The following PCCA variants were observed in gnomAD, a reference collection of about 807,000 sequenced individuals.
PCCA encodes propionyl-CoA carboxylase alpha chain, mitochondrial.
PCCA carries 74 observed loss-of-function variants against 101.3 expected under a neutral mutation model. That is an observed-to-expected ratio of 0.73 (90% CI 0.61 to 0.89). The LOEUF (loss-of-function observed/expected upper bound fraction) is 0.89. Among genes scored for constraint, PCCA ranks in the 40% least tolerant of loss-of-function variants. The probability of loss-of-function intolerance (pLI) is 0.00; values close to 1 mark genes in which losing one functional copy is unlikely to be tolerated. For synonymous variants in PCCA, 294 were observed against 313.6 expected (o/e 0.94, Z 0.66); for missense variants, 891 against 907.0 (o/e 0.98, Z 0.23).
chr13:100,137,907 C>T (rs2051383507), intron 4 of PCCA, among the ~76,000 whole-genome samples: 1 of 151,710 alleles, frequency 6.6e-6, no homozygotes, highest in South Asian at 2.1e-4. Context: ...CCTCCTGGGC[C>T]CAAGTGATCC....
At chr13:100,337,390 C>G (rs1336986856) in intron 17 of PCCA, among the ~76,000 whole-genome samples, 1 of 152,154 alleles carries the variant, frequency 6.6e-6, no homozygotes, top group African/African-American at 2.4e-5. Flanking sequence ...GGAGACCGTT[C>G]AAAGGGAGCT....
chr13:100,361,524 C>A (rs2074594931), intron 18 of PCCA, among the ~76,000 whole-genome samples: 3 of 150,900 alleles, frequency 2.0e-5, no homozygotes, highest in African/African-American at 7.3e-5. Context: ...AGAATACTTG[C>A]AATACATAAA....
chr13:100,202,148 A>G (rs2058555409), intron 6 of PCCA, among the ~76,000 whole-genome samples: 1 of 145,022 alleles, frequency 6.9e-6, no homozygotes, highest in South Asian at 2.3e-4. Flanking sequence ...TAGGCAACAT[A>G]GCAAGACTCC....
intron 21 of PCCA, 78 bp from the exon 22 acceptor site, chr13:100,515,349 T>C: frequency 2.2e-6 from 3 of 1,334,008 alleles, no homozygotes; most frequent in South Asian, 2.4e-5. Context: ...AAGCTAAAAA[T>C]TGATTTAGAA....
At chr13:100,220,232 C>T (rs979677889) in intron 7 of PCCA, among the ~76,000 whole-genome samples, 4 of 151,886 alleles carry the variant, frequency 2.6e-5, no homozygotes, top group South Asian at 4.2e-4. Flanking sequence ...TTCAAAAGAC[C>T]GTGTCCAATA....
intron 16 of PCCA, among the ~76,000 whole-genome samples, chr13:100,327,208 T>G (rs1156929032): frequency 6.6e-6 from 1 of 152,196 alleles, no homozygotes; most frequent in Non-Finnish European, 1.5e-5. Context: ...TTCCTTATGG[T>G]CTTTGACATT....
At chr13:100,356,679 C>T (rs146994158) in intron 18 of PCCA, among the ~76,000 whole-genome samples, 44 of 152,148 alleles carry the variant, frequency 2.9e-4, no homozygotes, top group African/African-American at 9.2e-4. Flanking sequence ...AAATATTAGA[C>T]GATTACCACA....
chr13:100,456,504 G>A (rs1595979315), intron 21 of PCCA, among the ~76,000 whole-genome samples: 1 of 152,138 alleles, frequency 6.6e-6, no homozygotes, highest in South Asian at 2.1e-4. Flanking sequence ...ATCAAGATGC[G>A]GAGACCGGTA....
chr13:100,128,828 T>A (rs1375472074), intron 4 of PCCA, among the ~76,000 whole-genome samples: 2 of 152,210 alleles, frequency 1.3e-5, no homozygotes, highest in Non-Finnish European at 2.9e-5. Context: ...TCTCTCTACT[T>A]CTGTGGCCCT....
intron 21 of PCCA, among the ~76,000 whole-genome samples, chr13:100,489,417 G>A (rs1596144999): frequency 6.6e-6 from 1 of 152,354 alleles, no homozygotes; most frequent in East Asian, 1.9e-4. Flanking sequence ...TGCAAAACAG[G>A]TAAGAAAAGA....
At chr13:100,453,812 A>G (rs932841148) in intron 21 of PCCA, among the ~76,000 whole-genome samples, 20 of 136,084 alleles carry the variant, frequency 1.5e-4, no homozygotes, top group African/African-American at 5.8e-4. Context: ...TTAAATGGAC[A>G]ACAAAAGTCA....
chr13:100,369,960 T>C (rs778296019), intron 19 of PCCA, among the ~76,000 whole-genome samples: 1 of 152,082 alleles, frequency 6.6e-6, no homozygotes, highest in African/African-American at 2.4e-5. Context: ...CAGTTCTATA[T>C]TGAGTCACCA....
chr13:100,505,696 CT>C (rs2086011863), intron 21 of PCCA, among the ~76,000 whole-genome samples: 1 of 152,190 alleles, frequency 6.6e-6, no homozygotes, highest in South Asian at 2.1e-4. Context: ...AAAACCCCAT[CT>C]CTACAAAACA....
chr13:100,144,159 G>C (rs916460341), intron 4 of PCCA, among the ~76,000 whole-genome samples: 9 of 152,132 alleles, frequency 5.9e-5, no homozygotes, highest in Non-Finnish European at 1.3e-4. Context: ...TGCTTTTCAT[G>C]ATTACCTTCA....
intron 2 of PCCA, among the ~76,000 whole-genome samples, chr13:100,103,739 G>T (rs2047494216): frequency 6.6e-6 from 1 of 151,370 alleles, no homozygotes; most frequent in African/African-American, 2.4e-5. Context: ...GGCTTCAAGA[G>T]ATTCTCCTGT....
chr13:100,338,920 G>C (rs1183769955), intron 17 of PCCA, among the ~76,000 whole-genome samples: 1 of 151,806 alleles, frequency 6.6e-6, no homozygotes, highest in African/African-American at 2.4e-5. Flanking sequence ...TGTATTTTGA[G>C]TGATTTTTTA....
At chr13:100,388,249 G>C (rs1042961290) in intron 19 of PCCA, among the ~76,000 whole-genome samples, 1 of 152,116 alleles carries the variant, frequency 6.6e-6, no homozygotes, top group Non-Finnish European at 1.5e-5. Context: ...CAGGAGGATC[G>C]CTTGAGCCTG....
Position 100,327,250 on chromosome 13 carries a change from C to G in PCCA, c.1430-3311C>G, listed in dbSNP as rs1001706172. Among the ~76,000 whole-genome samples, 4 of 152,162 alleles carry G rather than the reference C, an allele frequency of 2.6e-5. No homozygotes were observed. In the South Asian group the frequency reaches 8.3e-4, roughly 32 times the overall value. Reference sequence around the variant, plus strand: ...CCCTCTACCCCTTTCCCAGTGTAACCACATGATCTGCTTTCTGTCACTGTA... The same window carrying G: ...CCCTCTACCCCTTTCCCAGTGTAACGACATGATCTGCTTTCTGTCACTGTA... On this transcript the variant is annotated intron_variant, in intron 16 of 23. Transcript: ENST00000376285.
At chr13:100,368,628 T>A in intron 19 of PCCA, 54 bp downstream of exon 19, 1 of 1,118,276 alleles carries the variant, frequency 8.9e-7, no homozygotes, top group Non-Finnish European at 1.4e-6. Flanking sequence ...TATGAATATT[T>A]AAAGCCATTT....
Sources: allele counts gnomAD v4.1 joint callset (sites outside exome capture counted in the v4.1 genomes callset), GRCh38; gene constraint gnomAD v4.1.1; transcripts MANE v1.5; gene names NCBI Gene and HGNC (gene_info 2026-07-23, HGNC 2026-07-21).